Variants in TRDMT1 observed in about 807,000 individuals in gnomAD.
The protein encoded by TRDMT1 is tRNA (cytosine(38)-C(5))-methyltransferase.
Under a neutral mutation model 51.2 loss-of-function variants are expected in TRDMT1, and 49 were observed. That is an observed-to-expected ratio of 0.96 (90% CI 0.76 to 1.21). TRDMT1 has a LOEUF of 1.21. Ranked by LOEUF, TRDMT1 falls within the 50% of genes most tolerant of loss-of-function variation. TRDMT1 has a pLI of 0.00. For missense variants in TRDMT1, 534 were observed against 462.3 expected (o/e 1.16, Z -1.42); for synonymous variants, 187 against 164.6 (o/e 1.14, Z -1.04).
chr10:17,176,121 G>A (rs1483062926), intron 1 of TRDMT1, among the ~76,000 whole-genome samples: 1 of 152,108 alleles, frequency 6.6e-6, no homozygotes, highest in Non-Finnish European at 1.5e-5. Flanking sequence ...AATATATAAG[G>A]ATCCATTTGC....
At chr10:17,163,896 A>T (rs1399861142) in intron 3 of TRDMT1, among the ~76,000 whole-genome samples, 1 of 152,206 alleles carries the variant, frequency 6.6e-6, no homozygotes, top group Non-Finnish European at 1.5e-5. Flanking sequence ...ACCAAAAAAA[A>T]GTCCAGGACC....
chr10:17,156,512 G>A (rs1003876120), intron 8 of TRDMT1, among the ~76,000 whole-genome samples: 2 of 152,088 alleles, frequency 1.3e-5, no homozygotes, highest in African/African-American at 4.8e-5. Context: ...TGGGATTACA[G>A]GCATGAGCCA....
At chr10:17,153,724 CAT>C (rs1652668101) in intron 9 of TRDMT1, 88 bp from the exon 10 acceptor site, 1 of 1,368,110 alleles carries the variant, frequency 7.3e-7, no homozygotes, top group African/African-American at 1.5e-5. Flanking sequence ...ACTCGATGGA[CAT>C]ACAGTCTGCT....
chr10:17,157,875 T>C, intron 7 of TRDMT1, 91 bp from the exon 8 acceptor site: 1 of 932,406 alleles, frequency 1.1e-6, no homozygotes, highest in Non-Finnish European at 1.6e-6. Context: ...GAAAACAACC[T>C]CATTAGCCTT....
rs187945241 is a variant in TRDMT1 at position 17,138,565 on chromosome 10, T to C, written c.*10475A>G. 6.6e-6 allele frequency among the ~76,000 whole-genome samples: 1 copy of C among 152,356 alleles called. No homozygotes were observed. Among genetic ancestry groups the C allele is most frequent in the African/African-American group, 2.4e-5 (1 of 41,586 alleles). On this transcript the variant is annotated 3_prime_UTR_variant, in exon 11 of 11. Coordinates refer to ENST00000377799, the MANE Select transcript of TRDMT1 (RefSeq NM_004412.7). ...GATGAACTGATCTTTTTGAAAGCAG[T>C]GTGGTCTTGGCTCAAGGCACATAAA...
intron 1 of TRDMT1, among the ~76,000 whole-genome samples, chr10:17,189,839 A>G (rs186548132): frequency 6.3e-4 from 96 of 152,228 alleles, no homozygotes; most frequent in Non-Finnish European, 1.1e-3. Flanking sequence ...GCCAAAGTCT[A>G]TGGGGTCCTG....
intron 1 of TRDMT1, among the ~76,000 whole-genome samples, chr10:17,197,339 T>C (rs1428664729): frequency 3.3e-5 from 5 of 152,124 alleles, no homozygotes; most frequent in African/African-American, 9.7e-5. Context: ...CAGCAAAGAA[T>C]GTTACATTTA....
rs1187950731 is a variant in TRDMT1, at chr10:17,138,865, G to A, written c.*10175C>T. On this transcript the variant is annotated 3_prime_UTR_variant, in exon 11 of 11. Transcript: ENST00000377799. The stretch of plus-strand genomic sequence containing the variant: ...AATAGGGGAATAGGGCTTTGGAGGA[G>A]GAGCACAGGGGTGTTCGTGGCACAT... Among the ~76,000 whole-genome samples the A allele has an allele frequency of 1.3e-5, 2 of 152,104 alleles. No homozygotes were observed. Among genetic ancestry groups the A allele is most frequent in the African/African-American group, 4.8e-5 (2 of 41,416 alleles).
Position 17,143,063 on chromosome 10 carries a change from T to A in TRDMT1, c.*5977A>T, listed in dbSNP as rs976209022. Reference sequence around the variant, plus strand: ...CCAGAATTATTTTTTAAATCATGTGTTCCAGACTTGAGTAACTTTGGCTGT... The same window carrying A: ...CCAGAATTATTTTTTAAATCATGTGATCCAGACTTGAGTAACTTTGGCTGT... On this transcript the variant is annotated 3_prime_UTR_variant, in exon 11 of 11. Transcript: ENST00000377799. The A allele has an allele frequency of 1.0e-6, 1 of 985,336 alleles. No homozygotes were observed. Among genetic ancestry groups the A allele is most frequent in the Non-Finnish European group, 1.2e-6 (1 of 829,940 alleles). 61.0% of individuals were successfully genotyped at this position (985,336 alleles called of 1,614,324 possible).
At chr10:17,156,621 CA>C (rs2131401002) in intron 8 of TRDMT1, among the ~76,000 whole-genome samples, 1 of 152,166 alleles carries the variant, frequency 6.6e-6, no homozygotes, top group African/African-American at 2.4e-5. Flanking sequence ...AGTAATAACC[CA>C]AAGGAAGCCC....
At chr10:17,191,529 T>C (rs573681971) in intron 1 of TRDMT1, among the ~76,000 whole-genome samples, 27 of 152,166 alleles carry the variant, frequency 1.8e-4, no homozygotes, top group African/African-American at 6.3e-4. Flanking sequence ...CGTCGGTCAA[T>C]GCTTCCCAGA....
chr10:17,145,649 C>T lies in TRDMT1; in HGVS notation c.*3391G>A, dbSNP rs1838041181. The stretch of plus-strand genomic sequence containing the variant: ...TCATAACATAAGCAATTCAGGAAAA[C>T]CCACTTTAATCTCTTTGTCTATGTG... On this transcript the variant is annotated 3_prime_UTR_variant, in exon 11 of 11. Transcript: ENST00000377799. 1.0e-6 allele frequency: 1 copy of T among 985,260 alleles called. No homozygotes were observed. The highest frequency in any genetic ancestry group is 1.1e-4 in the East Asian group (1 of 8,820). The allele number at this position is 985,260 out of a possible 1,614,324, so 61.0% of individuals were successfully genotyped here. A position where few individuals can be genotyped will look rare whatever the true frequency, so the allele number is the denominator to read the frequency against.
At chr10:17,166,309 G>T (rs879278113) in intron 3 of TRDMT1, among the ~76,000 whole-genome samples, 1 of 141,326 alleles carries the variant, frequency 7.1e-6, no homozygotes, top group Non-Finnish European at 1.5e-5. Flanking sequence ...TCATAGGTGG[G>T]AATTGAACAA....
At chr10:17,178,158 A>G (rs946150238) in intron 1 of TRDMT1, among the ~76,000 whole-genome samples, 1 of 152,166 alleles carries the variant, frequency 6.6e-6, no homozygotes, top group African/African-American at 2.4e-5. Flanking sequence ...TGAATTACTC[A>G]TTATACTCAC....
In TRDMT1 at chr10:17,171,430, A is replaced by G. The variant is rs187153861; in HGVS notation, c.175-2513T>C. 1.3e-3 allele frequency: 192 copies of G among 152,254 alleles called. 1 individual carries two copies. Among genetic ancestry groups the G allele is most frequent in the African/African-American group, 4.3e-3 (178 of 41,520 alleles). 9.4% of individuals were successfully genotyped at this position (152,254 alleles called of 1,614,324 possible). A position where few individuals can be genotyped will look rare whatever the true frequency, so the allele number is the denominator to read the frequency against. The stretch of plus-strand genomic sequence containing the variant: ...ACAGTGAGAGGGCCCTCACGTATAC[A>G]CTGATCCATGGGTAAATGGAACCGA... On this transcript the variant is annotated intron_variant, in intron 2 of 10. Transcript: ENST00000377799.
chr10:17,195,752 A>G (rs1050416633), intron 1 of TRDMT1, among the ~76,000 whole-genome samples: 5 of 152,166 alleles, frequency 3.3e-5, no homozygotes, highest in African/African-American at 9.7e-5. Context: ...CATCTTACGT[A>G]TTTCTTTTTT....
chr10:17,151,584 A>C (rs1838745048), intron 10 of TRDMT1: 1 of 985,648 alleles, frequency 1.0e-6, no homozygotes, highest in Non-Finnish European at 1.2e-6. Context: ...AACTCCAAAA[A>C]CATATCACGT....
intron 1 of TRDMT1, among the ~76,000 whole-genome samples, chr10:17,175,779 G>A (rs116635495): frequency 2.6e-5 from 4 of 151,732 alleles, no homozygotes; most frequent in Non-Finnish European, 5.9e-5. Context: ...GCTCACACAC[G>A]CTCAGAAAAC....
Position 17,144,195 on chromosome 10 carries a change from C to A in TRDMT1, c.*4845G>T, listed in dbSNP as rs1222671311. ...CTCTCTTTCACTCTCATCCTCTGAC[C>A]CTCTAGGTGATCTCATCTGATTATA... On this transcript the variant is annotated 3_prime_UTR_variant, in exon 11 of 11. Transcript: ENST00000377799. The A allele has an allele frequency of 4.1e-6, 4 of 985,650 alleles. No individual in the cohort carries two copies. The highest frequency in any genetic ancestry group is 4.8e-6 in the Non-Finnish European group (4 of 829,950). The allele number at this position is 985,650 out of a possible 1,614,324, so 61.1% of individuals were successfully genotyped here.
Sources: allele counts gnomAD v4.1 joint callset (sites outside exome capture counted in the v4.1 genomes callset), GRCh38; gene constraint gnomAD v4.1.1; transcripts MANE v1.5; gene names NCBI Gene and HGNC (gene_info 2026-07-23, HGNC 2026-07-21).